The following SEPTIN4 variants were observed in gnomAD, a reference collection of about 807,000 sequenced individuals.
SEPTIN4 encodes septin 4, also known as septin-4.
Under a neutral mutation model 107.1 loss-of-function variants are expected in SEPTIN4, and 52 were observed. The ratio of observed to expected loss-of-function variants is 0.49; its 90% CI spans 0.39 to 0.61. The LOEUF is 0.61. SEPTIN4 is among the 20% of genes least tolerant of loss of function. The pLI is 0.00. For missense variants in SEPTIN4, 1,048 were observed against 1,243.5 expected (o/e 0.84, Z 2.36); for synonymous variants, 417 against 467.0 (o/e 0.89, Z 1.38).
rs973130614 is a variant in SEPTIN4 at position 58,542,904 on chromosome 17, C to G, written c.1283G>C (p.Trp428Ser). ...TTCAACTTCAGGATTCAGCAAGGGCCACCATGAGGAGTCAGGTCCGTACCT... is the reference window on the plus strand; with the variant it reads ...TTCAACTTCAGGATTCAGCAAGGGCGACCATGAGGAGTCAGGTCCGTACCT... ...LPRYGPDSSW[W>S]PLLNPEVETP... The change falls in exon 1 of 14, where the codon TGG (tryptophan) becomes TCG (serine). Residue 428 changes from tryptophan (W) to serine (S), a missense_variant. Around this residue, in one of 2 missense-constraint regions of SEPTIN4, gnomAD observed 787 missense variants for 871.8 expected, o/e 0.90. Transcript: ENST00000672673. 6 of 1,614,052 alleles carry G rather than the reference C, an allele frequency of 3.7e-6. No homozygotes were observed. The highest frequency in any genetic ancestry group is 5.1e-6 in the Non-Finnish European group (6 of 1,180,040).
intron 5 of SEPTIN4, 174 bp from the exon 6 acceptor site, chr17:58,525,955 A>G: frequency 3.4e-6 from 3 of 883,842 alleles, no homozygotes; most frequent in Non-Finnish European, 5.0e-6. Context: ...TTGGGGGAGC[A>G]AGAGATTGCC....
chr17:58,536,839 G>C (rs1027163560), intron 3 of SEPTIN4, among the ~76,000 whole-genome samples: 11 of 152,192 alleles, frequency 7.2e-5, no homozygotes, highest in Non-Finnish European at 1.0e-4. Flanking sequence ...CACCTGTCAG[G>C]GTGGCTCCTG....
chr17:58,537,721 T>C (rs2043761951), intron 3 of SEPTIN4, among the ~76,000 whole-genome samples: 1 of 150,298 alleles, frequency 6.7e-6, no homozygotes. Flanking sequence ...TCCCAGCTAC[T>C]CAGGAGGCTG....
chr17:58,528,560 C>T (rs560806412), intron 3 of SEPTIN4: 1 of 159,226 alleles, frequency 6.3e-6, no homozygotes, highest in Admixed American at 6.2e-5. Flanking sequence ...GCTGTCCTGG[C>T]ATCATGATTA....
chr17:58,530,929 C>G (rs1308916892), intron 3 of SEPTIN4: 2 of 152,360 alleles, frequency 1.3e-5, no homozygotes, highest in Non-Finnish European at 2.9e-5. Flanking sequence ...TCCCAGGGGG[C>G]CCAGGGAGCT....
rs2043917905 is a variant in SEPTIN4 at position 58,542,855 on chromosome 17, T to C, written c.1332A>G (p.Thr444=). The change falls in exon 1 of 14, where the codon ACA becomes ACG. Residue 444 remains threonine, a synonymous_variant. Transcript: ENST00000672673. The part of the protein sequence containing the change: ...EVETPQSQLT[T]PDFEPKCSPS... The stretch of plus-strand genomic sequence containing the variant: ...GAGAGCACTTAGGCTCAAAATCCGG[T>C]GTTGTCAGCTGGCTTTGGGGTGTTT... The C allele has an allele frequency of 6.2e-7, 1 of 1,613,942 alleles. No individual in the cohort carries two copies. Among genetic ancestry groups the C allele is most frequent in the Non-Finnish European group, 8.5e-7 (1 of 1,180,022 alleles).
At position 58,543,140 on chromosome 17, in the gene SEPTIN4, A is replaced by G. The variant is rs17222523; in HGVS notation, c.1047T>C (p.His349=). ...PGVQSVEPTH[H]VTVPSVSEGS... ...CCTCAGACACTGATGGAACTGTCACATGGTGAGTTGGCTCTACTGACTGTA... is the reference window on the plus strand; with the variant it reads ...CCTCAGACACTGATGGAACTGTCACGTGGTGAGTTGGCTCTACTGACTGTA... Residue 349 remains histidine, a synonymous_variant, in exon 1 of 14, where the codon CAT becomes CAC. Transcript: ENST00000672673. 327,310 of 1,612,074 alleles carry G rather than the reference A, an allele frequency of 0.2. 34,762 individuals are homozygous for G. Among genetic ancestry groups the G allele is most frequent in the Non-Finnish European group, 0.22 (253,890 of 1,178,570 alleles).
Position 58,520,746 on chromosome 17 carries a change from C to G in SEPTIN4, c.2928G>C (p.Glu976Asp). The change falls in exon 13 of 14, where the codon GAG (glutamate) becomes GAC (aspartate). Residue 976 changes from glutamate (E) to aspartate (D), a missense_variant. Glu to Asp is a conservative substitution (Grantham distance 45). Coordinates refer to ENST00000672673, the MANE Select transcript of SEPTIN4 (RefSeq NM_001368771.2). Reference sequence around the variant, plus strand: ...CTATACCCCATACTGCTCTCACCTCCTCATCTTTCTCTCGGATAAGCTTCT... The same window carrying G: ...CTATACCCCATACTGCTCTCACCTCGTCATCTTTCTCTCGGATAAGCTTCT... The part of the protein sequence containing the change: ...ETEKLIREKD[E>D]ELRRMQEMLH... The G allele has an allele frequency of 6.2e-7, 1 of 1,614,170 alleles. No individual in the cohort carries two copies. The highest frequency in any genetic ancestry group is 8.5e-7 in the Non-Finnish European group (1 of 1,180,044).
intron 3 of SEPTIN4, chr17:58,527,350 G>A: frequency 2.4e-6 from 1 of 413,022 alleles, no homozygotes; most frequent in Non-Finnish European, 4.6e-6. Flanking sequence ...CTCAGGCCAG[G>A]AAGTAAGGCC....
In SEPTIN4 at chr17:58,521,967, C is replaced by A. The variant is rs371101865; in HGVS notation, c.2351G>T (p.Gly784Val). Residue 784 changes from glycine to valine, a missense_variant and splice_region_variant, in exon 8 of 14, where the codon GGG becomes GTG. Physicochemically the swap from Gly to Val is moderately radical, Grantham distance 109. Transcript: ENST00000672673. This position sits in a 1 kb window ranked among gnomAD's most constrained non-coding sequence, Gnocchi z 6.4. The part of the protein sequence containing the change: ...CLYFISPFGH[G>V]LRPLDVEFMK... ...CAGGAGCCTCAGGCTTGGACCATAC[C>A]CATGGCCGAAGGGTGAGATGAAGTA... is the stretch of plus-strand genomic sequence containing the variant. The A allele has an allele frequency of 5.6e-6, 9 of 1,614,110 alleles. No homozygotes were observed. The highest frequency in any genetic ancestry group is 2.7e-5 in the African/African-American group (2 of 74,934).
intron 7 of SEPTIN4, among the ~76,000 whole-genome samples, chr17:58,524,244 A>AG (rs1257754373): frequency 6.6e-6 from 1 of 152,072 alleles, no homozygotes. Context: ...CATTAGCTGG[A>AG]GGGGGGTCCC....
At chr17:58,532,098 C>G (rs1039270146) in intron 3 of SEPTIN4, 3 of 1,068,628 alleles carry the variant, frequency 2.8e-6, no homozygotes, top group South Asian at 4.5e-5. Flanking sequence ...AGGGGCCCGG[C>G]GGCGGGGGCG....
intron 13 of SEPTIN4, 75 bp from the exon 14 acceptor site, chr17:58,520,560 A>G: frequency 6.3e-7 from 1 of 1,582,260 alleles, no homozygotes; most frequent in Admixed American, 1.7e-5. Context: ...CCAAATTTCT[A>G]ATCCCTTAAG....
chr17:58,526,342 C>T (rs747978572), intron 4 of SEPTIN4, 29 bp from the exon 5 acceptor site: 35 of 1,502,194 alleles, frequency 2.3e-5, no homozygotes, highest in South Asian at 6.8e-5. Flanking sequence ...GAATGCATCA[C>T]GGTGAGGAGC....
chr17:58,537,424 C>T (rs1370663673), intron 3 of SEPTIN4, among the ~76,000 whole-genome samples: 2 of 152,224 alleles, frequency 1.3e-5, no homozygotes, highest in Non-Finnish European at 2.9e-5. Context: ...ACCAGCCTTC[C>T]ATCCTGCTCT....
intron 3 of SEPTIN4, among the ~76,000 whole-genome samples, chr17:58,528,836 G>A (rs1190912731): frequency 6.6e-6 from 1 of 152,148 alleles, no homozygotes; most frequent in Non-Finnish European, 1.5e-5. Flanking sequence ...AGAAAGGAAG[G>A]CCCTAATGAA....
intron 3 of SEPTIN4, 199 bp from the exon 4 acceptor site, chr17:58,527,177 C>G: frequency 1.0e-6 from 1 of 959,340 alleles, no homozygotes; most frequent in South Asian, 1.3e-5. Flanking sequence ...CCTCCCCAAT[C>G]CAATATGCCA....
intron 3 of SEPTIN4, chr17:58,527,267 GT>G (rs1387713789): frequency 3.8e-5 from 23 of 608,282 alleles, no homozygotes; most frequent in Non-Finnish European, 6.6e-5. Context: ...AGGAACTCCA[GT>G]TCTGGTCTCC....
chr17:58,525,767 C>T lies in SEPTIN4; in HGVS notation c.2020G>A (p.Gly674Ser). ...TLMVAGESGLGKSTLVNSLFL... is the reference protein window; with the variant it reads ...TLMVAGESGLSKSTLVNSLFL... The stretch of plus-strand genomic sequence containing the variant: ...AGGCTATTGACAAGTGTGGATTTGC[C>T]CAGGCCAGACTCTCCTGAGAGGAGA... The change falls in exon 6 of 14, where the codon GGC (glycine) becomes AGC (serine). Residue 674 changes from glycine (G) to serine (S), a missense_variant. By Grantham distance (56) the Gly-to-Ser change is moderately conservative. This residue lies in a region of SEPTIN4 where 787 missense variants were observed against 871.8 expected (regional missense o/e 0.90). Coordinates refer to ENST00000672673, the MANE Select transcript of SEPTIN4 (RefSeq NM_001368771.2). The T allele has an allele frequency of 6.2e-7, 1 of 1,614,084 alleles. No homozygotes were observed. Among genetic ancestry groups the T allele is most frequent in the Non-Finnish European group, 8.5e-7 (1 of 1,179,988 alleles).
Sources: gnomAD v4.1 joint callset for allele counts (sites outside exome capture counted in the v4.1 genomes callset) on GRCh38, gnomAD v4.1.1 for gene constraint, gnomAD v4.1.1 regional missense constraint, Gnocchi (gnomAD v3.1) non-coding constraint, MANE v1.5 for transcripts, NCBI Gene and HGNC (gene_info 2026-07-23, HGNC 2026-07-21) for gene names.